ARHGEF1: variants seen among roughly 807,000 people sequenced by gnomAD.
The protein encoded by ARHGEF1 is Rho guanine nucleotide exchange factor 1, also known as 115 kDa guanine nucleotide exchange factor.
ARHGEF1 carries 40 observed loss-of-function variants against 119.7 expected under a neutral mutation model. The observed-to-expected ratio is 0.33, with a 90% CI of 0.26 to 0.44. ARHGEF1 has a LOEUF of 0.44. Among genes scored for constraint, ARHGEF1 ranks in the 20% least tolerant of loss-of-function variants. The pLI, the probability that ARHGEF1 is intolerant of heterozygous loss-of-function variation, is 1.00. For synonymous variants in ARHGEF1, 494 were observed against 521.0 expected, an observed-to-expected ratio of 0.95 and a Z score of 0.71; for missense variants, 976 against 1,268.3, an observed-to-expected ratio of 0.77 and a Z score of 3.50.
At chr19:41,913,117 G>C (rs2074763832) in intron 18 of ARHGEF1, among the ~76,000 whole-genome samples, 1 of 150,158 alleles carries the variant, frequency 6.7e-6, no homozygotes, top group East Asian at 2.0e-4. Context: ...AGCCGTTCCC[G>C]GCCCCGAGAC....
downstream of ARHGEF1, chr19:41,909,080 G>C (rs2074737595): frequency 5.7e-6 from 7 of 1,231,570 alleles, no homozygotes; most frequent in Admixed American, 4.2e-5. The surrounding 1 kb of genome is among the most constrained non-coding windows in gnomAD (Gnocchi z 5.2). Flanking sequence ...GAATGGGAAA[G>C]GGCTGTCCAG....
At position 41,905,473 on chromosome 19, in the gene ARHGEF1, C is replaced by T. The variant is rs189960982; in HGVS notation, c.2336+212C>T. On this transcript the variant is annotated intron_variant, in intron 24 of 28. Transcript: ENST00000354532. This position sits in a 1 kb window ranked among gnomAD's most constrained non-coding sequence, Gnocchi z 6.4. Reference sequence around the variant, plus strand: ...GCATGTGTGCGTGTGCATGTGTGTGCGTGTATGGTGTGTGTGTATGCATAT... The same window carrying T: ...GCATGTGTGCGTGTGCATGTGTGTGTGTGTATGGTGTGTGTGTATGCATAT... 8.5e-4 allele frequency: 525 copies of T among 614,054 alleles called. 2 individuals carry two copies. Among genetic ancestry groups the T allele is most frequent in the African/African-American group, 2.9e-3 (156 of 53,620 alleles). 38.0% of individuals were successfully genotyped at this position (614,054 alleles called of 1,614,324 possible).
intron 13 of ARHGEF1, chr19:41,897,084 CT>C (rs2074514200): frequency 8.3e-6 from 3 of 362,906 alleles, no homozygotes; most frequent in Non-Finnish European, 1.6e-5. Context: ...TCAAGCCCCC[CT>C]GCCCCCTGCC....
downstream of ARHGEF1, chr19:41,907,491 C>A: frequency 3.0e-6 from 4 of 1,312,532 alleles, no homozygotes; most frequent in South Asian, 2.9e-5. Flanking sequence ...CCTGGCATGG[C>A]GTCTGGAACT....
At chr19:41,914,688 T>TGTCTCC (rs1456742324) in intron 18 of ARHGEF1, among the ~76,000 whole-genome samples, 1 of 22,678 alleles carries the variant, frequency 4.4e-5, no homozygotes, top group Admixed American at 4.3e-4. Context: ...CCACCATCTC[T>TGTCTCC]GTCTCTCCCT....
Position 41,898,424 on chromosome 19 carries a change from C to G in ARHGEF1, c.1122-18C>G, listed in dbSNP as rs1391211674. The G allele has an allele frequency of 1.3e-6, 2 of 1,548,146 alleles. No homozygotes were observed. Among genetic ancestry groups the G allele is most frequent in the African/African-American group, 2.7e-5 (2 of 73,032 alleles). On this transcript the variant is annotated intron_variant, in intron 13 of 28. Coordinates refer to ENST00000354532, the MANE Select transcript of ARHGEF1 (RefSeq NM_004706.4). ...GGGATGGCCCAAGCTGGGGCCCTAA[C>G]AAGGCCTCTGTCCACAGCCCCGAGC... is the stretch of plus-strand genomic sequence containing the variant.
chr19:41,921,735 T>C (rs1462270239), upstream of ARHGEF1, among the ~76,000 whole-genome samples: 12 of 150,928 alleles, frequency 8.0e-5, no homozygotes, highest in Admixed American at 7.9e-4. This position sits in a 1 kb window ranked among gnomAD's most constrained non-coding sequence, Gnocchi z 4.4. Context: ...GGAGGTGGAG[T>C]GGAAGGCTCA....
Position 41,904,820 on chromosome 19 carries a change from A to G in ARHGEF1, c.2162-129A>G. The G allele has an allele frequency of 2.7e-6, 2 of 729,072 alleles. No homozygotes were observed. The highest frequency in any genetic ancestry group is 4.8e-6 in the Non-Finnish European group (2 of 416,302). The allele number at this position is 729,072 out of a possible 1,614,324, so 45.2% of individuals were successfully genotyped here. A position where few individuals can be genotyped will look rare whatever the true frequency, so the allele number is the denominator to read the frequency against. The stretch of plus-strand genomic sequence containing the variant: ...GGGCCCTGGATATTAGCAGACAGTG[A>G]GTGGTGAGTTGAGCCATGGGAGCCC... On this transcript the variant is annotated intron_variant, in intron 22 of 28. Coordinates refer to ENST00000354532, the MANE Select transcript of ARHGEF1 (RefSeq NM_004706.4). This position sits in a 1 kb window ranked among gnomAD's most constrained non-coding sequence, Gnocchi z 8.4.
intron 14 of ARHGEF1, among the ~76,000 whole-genome samples, chr19:41,901,448 C>A (rs1470887523): frequency 1.3e-5 from 2 of 152,112 alleles, no homozygotes; most frequent in Non-Finnish European, 2.9e-5. Context: ...CTGTGCCCAG[C>A]CATTTTGTTT....
chr19:41,901,728 C>T (rs192295318), intron 14 of ARHGEF1, among the ~76,000 whole-genome samples, 159 bp from the exon 15 acceptor site: 2 of 152,312 alleles, frequency 1.3e-5, no homozygotes, highest in East Asian at 1.9e-4. Flanking sequence ...GCTGGGATTA[C>T]AAGTGTGAAC....
intron 18 of ARHGEF1, among the ~76,000 whole-genome samples, chr19:41,913,149 T>C (rs2074764177): frequency 6.9e-6 from 1 of 144,954 alleles, no homozygotes; most frequent in African/African-American, 2.6e-5. Context: ...CCTCCCAGCC[T>C]CTCCTCCCGC....
chr19:41,930,125 T>C (rs782199297), exon 3 of ARHGEF1: 3 of 152,228 alleles, frequency 2.0e-5, no homozygotes, highest in Non-Finnish European at 4.4e-5. Flanking sequence ...ATTAAAAATA[T>C]TAAGAATTTT....
rs2074613197 is a variant in ARHGEF1, at chr19:41,902,086, C to T, written c.1414+53C>T. ...GTACCCCACTGCCCCACGGGCAGCT[C>T]TGCTCTAGCCCTGGGTTCAACCTGC... On this transcript the variant is annotated intron_variant, in intron 15 of 28. Coordinates refer to ENST00000354532, the MANE Select transcript of ARHGEF1 (RefSeq NM_004706.4). The surrounding 1 kb of genome is among the most constrained non-coding windows in gnomAD (Gnocchi z 6.5). 1.9e-6 allele frequency: 3 copies of T among 1,604,492 alleles called. No individual in the cohort carries two copies. In the Admixed American group the frequency reaches 5.0e-5, roughly 27 times the overall value.
chr19:41,929,256 A>C (rs566573100), intron 2 of ARHGEF1, among the ~76,000 whole-genome samples: 3 of 152,006 alleles, frequency 2.0e-5, no homozygotes, highest in African/African-American at 7.2e-5. Context: ...CCAGATGCAC[A>C]CACAGCCACA....
In ARHGEF1 at chr19:41,904,074, C is replaced by T; in HGVS notation, c.1957C>T (p.Pro653Ser). The T allele has an allele frequency of 6.2e-7, 1 of 1,614,194 alleles. No individual in the cohort carries two copies. Among genetic ancestry groups the T allele is most frequent in the Non-Finnish European group, 8.5e-7 (1 of 1,180,036 alleles). ...CAAGAAGAAATTGGTCCACGAGGGC[C>T]CACTGACGTGGCGGGTGACTAAGGA... ...ITKKKLVHEG[P>S]LTWRVTKDKA... Residue 653 changes from proline to serine, a missense_variant, in exon 21 of 29, where the codon CCA becomes TCA. By Grantham distance (74) the Pro-to-Ser change is moderately conservative. Coordinates refer to ENST00000354532, the MANE Select transcript of ARHGEF1 (RefSeq NM_004706.4). This position sits in a 1 kb window ranked among gnomAD's most constrained non-coding sequence, Gnocchi z 8.4.
Position 41,889,472 on chromosome 19 carries a change from C to A in ARHGEF1, c.225+607C>A, listed in dbSNP as rs1255632828. On this transcript the variant is annotated intron_variant, in intron 4 of 28. Transcript: ENST00000354532. The surrounding 1 kb of genome is among the most constrained non-coding windows in gnomAD (Gnocchi z 4.0). The stretch of plus-strand genomic sequence containing the variant: ...TGGACAACCGTGCCATCCAGAAACA[C>A]CCGCAGAGTCTAGAAAACCCAGCAG... 6.6e-6 allele frequency: 1 copy of A among 152,144 alleles called. No homozygotes were observed. Among genetic ancestry groups the A allele is most frequent in the East Asian group, 1.9e-4 (1 of 5,192 alleles). The allele number at this position is 152,144 out of a possible 1,614,324, so 9.4% of individuals were successfully genotyped here. A position where few individuals can be genotyped will look rare whatever the true frequency, so the allele number is the denominator to read the frequency against.
chr19:41,919,713 G>T (rs1555852254), upstream of ARHGEF1, among the ~76,000 whole-genome samples: 2 of 152,096 alleles, frequency 1.3e-5, no homozygotes, highest in Non-Finnish European at 2.9e-5. Flanking sequence ...AGCTGCCGGG[G>T]TCCTCTCAGG....
At chr19:41,919,984 C>T (rs933278296), upstream of ARHGEF1, among the ~76,000 whole-genome samples, 2 of 133,930 alleles carry the variant, frequency 1.5e-5, no homozygotes, top group Non-Finnish European at 3.2e-5. Context: ...CGCCCACAGA[C>T]GTGACACACC....
upstream of ARHGEF1, among the ~76,000 whole-genome samples, chr19:41,921,027 C>T (rs1039777525): frequency 4.6e-5 from 7 of 152,220 alleles, no homozygotes; most frequent in Non-Finnish European, 7.3e-5. This position sits in a 1 kb window ranked among gnomAD's most constrained non-coding sequence, Gnocchi z 4.4. Flanking sequence ...CGGACAGCAG[C>T]GCTCCGAATG....
Sources: allele counts gnomAD v4.1 joint callset (sites outside exome capture counted in the v4.1 genomes callset), GRCh38; gene constraint gnomAD v4.1.1; non-coding constraint Gnocchi (gnomAD v3.1); transcripts MANE v1.5; gene names NCBI Gene and HGNC (gene_info 2026-07-23, HGNC 2026-07-21).